DIAPH2: variants seen among roughly 807,000 people sequenced by gnomAD.
The protein encoded by DIAPH2 is protein diaphanous homolog 2.
A neutral mutation model predicts 92.7 loss-of-function variants in DIAPH2; 35 were observed. The observed-to-expected ratio is 0.38, with a 90% CI of 0.29 to 0.50. The LOEUF is 0.50. Ranked by LOEUF, DIAPH2 falls within the 20% of genes least tolerant of loss-of-function variation. The pLI is 0.94. For missense variants in DIAPH2, 701 were observed against 819.5 expected, an observed-to-expected ratio of 0.86 and a Z score of 1.77; for synonymous variants, 301 against 280.4, an observed-to-expected ratio of 1.07 and a Z score of -0.73.
chrX:97,025,569 G>T (rs769162565), intron 17 of DIAPH2, among the ~76,000 whole-genome samples: 1 of 106,030 alleles, frequency 9.4e-6, no homozygotes, highest in African/African-American at 3.5e-5. Flanking sequence ...GGAGAATGGC[G>T]TGAACCCGGG....
At chrX:97,102,299 C>T (rs1194705086) in intron 20 of DIAPH2, among the ~76,000 whole-genome samples, 1 of 111,612 alleles carries the variant, frequency 9.0e-6, no homozygotes, top group Non-Finnish European at 1.9e-5. Context: ...TTCCTTCTCT[C>T]CTCAAGTCTT....
At position 97,030,535 on chromosome X, in the gene DIAPH2, C is replaced by T. The variant is rs1016076767; in HGVS notation, c.2051-42406C>T. Among the ~76,000 whole-genome samples the T allele has an allele frequency of 2.7e-5, 3 of 110,759 alleles. No homozygotes were observed. In the Admixed American group the frequency reaches 2.9e-4, roughly 11 times the overall value. The stretch of plus-strand genomic sequence containing the variant: ...AGTAATCTAATATGACAGTATTATG[C>T]GTACATGTACCATGCCTTCTCGTGG... On this transcript the variant is annotated intron_variant, in intron 17 of 26. Coordinates refer to ENST00000324765, the MANE Select transcript of DIAPH2 (RefSeq NM_006729.5).
chrX:97,203,724 C>T lies in DIAPH2; in HGVS notation c.2720-43991C>T, dbSNP rs5967152. ...AGCCCCAAACCAGATGGATTCACAG[C>T]TGAATTCTACCAGAGGTACAAAGAG... On this transcript the variant is annotated intron_variant, in intron 22 of 26. Transcript: ENST00000324765. 9.6e-3 allele frequency among the ~76,000 whole-genome samples: 1,071 copies of T among 111,791 alleles called. 12 individuals are homozygous for T. The highest frequency in any genetic ancestry group is 0.031 in the African/African-American group (967 of 30,742).
intron 4 of DIAPH2, among the ~76,000 whole-genome samples, chrX:96,814,925 C>T (rs2064718892): frequency 9.0e-6 from 1 of 111,240 alleles, no homozygotes; most frequent in Non-Finnish European, 1.9e-5. Flanking sequence ...GGGTCACCCG[C>T]CTGTATTAGG....
intron 19 of DIAPH2, among the ~76,000 whole-genome samples, chrX:97,081,398 A>G (rs2066743579): frequency 8.9e-6 from 1 of 112,420 alleles, no homozygotes; most frequent in Admixed American, 9.4e-5. Context: ...TTATTGATTA[A>G]TGCCAGTATT....
At chrX:97,389,326 G>C (rs1411547899) in intron 25 of DIAPH2, among the ~76,000 whole-genome samples, 1 of 109,124 alleles carries the variant, frequency 9.2e-6, no homozygotes, top group Admixed American at 9.8e-5. Flanking sequence ...AATTAGCTGG[G>C]CATGGTGGCA....
chrX:97,430,501 G>A (rs1321913640), intron 26 of DIAPH2, among the ~76,000 whole-genome samples: 1 of 112,385 alleles, frequency 8.9e-6, no homozygotes, highest in Non-Finnish European at 1.9e-5. Flanking sequence ...CTTTCTTGAA[G>A]TAGAGAAAGA....
intron 4 of DIAPH2, among the ~76,000 whole-genome samples, chrX:96,781,229 A>G (rs1163282690): frequency 8.9e-6 from 1 of 111,932 alleles, no homozygotes; most frequent in Non-Finnish European, 1.9e-5. Flanking sequence ...AGGTATACTA[A>G]GCTGTAAATC....
intron 25 of DIAPH2, among the ~76,000 whole-genome samples, chrX:97,419,463 G>A (rs1342484619): frequency 8.9e-6 from 1 of 112,086 alleles, no homozygotes; most frequent in African/African-American, 3.2e-5. Context: ...TTGTTATGTA[G>A]CACAAAATAT....
intron 23 of DIAPH2, among the ~76,000 whole-genome samples, chrX:97,313,594 T>A (rs924549010): frequency 3.6e-5 from 4 of 111,623 alleles, no homozygotes; most frequent in Non-Finnish European, 7.5e-5. Flanking sequence ...TTATGTTCTG[T>A]GATCAAATGT....
chrX:97,325,872 C>T (rs1012368320), intron 23 of DIAPH2, among the ~76,000 whole-genome samples: 4 of 112,240 alleles, frequency 3.6e-5, no homozygotes, highest in African/African-American at 6.5e-5. Context: ...CCACCACGCC[C>T]GGCCTAATGT....
At chrX:96,889,344 G>A (rs2065291701) in intron 5 of DIAPH2, among the ~76,000 whole-genome samples, 2 of 111,028 alleles carry the variant, frequency 1.8e-5, no homozygotes, top group African/African-American at 6.5e-5. Context: ...TGATCACATA[G>A]CTGTGTGTAA....
chrX:96,939,758 G>A (rs1461756175), intron 12 of DIAPH2, among the ~76,000 whole-genome samples: 4 of 73,959 alleles, frequency 5.4e-5, no homozygotes, highest in South Asian at 1.7e-3. Flanking sequence ...TCCGCCTCCC[G>A]GGTTCACGCC....
chrX:96,896,479 C>T lies in DIAPH2; in HGVS notation c.587+14761C>T, dbSNP rs182225850. Among the ~76,000 whole-genome samples, 126 of 111,897 alleles carry T rather than the reference C, an allele frequency of 1.1e-3. 3 individuals carry two copies. Among genetic ancestry groups the T allele is most frequent in the Middle Eastern group, 4.7e-3 (1 of 212 alleles). ...CACTAACCTTCTTTAGTTTCTTCAT[C>T]TACAAAATGGAGTAACTTATTTTAT... is the stretch of plus-strand genomic sequence containing the variant. On this transcript the variant is annotated intron_variant, in intron 5 of 26. Transcript: ENST00000324765.
intron 26 of DIAPH2, among the ~76,000 whole-genome samples, chrX:97,568,343 T>A (rs1222449985): frequency 9.0e-6 from 1 of 110,654 alleles, no homozygotes; most frequent in Non-Finnish European, 1.9e-5. Context: ...TAATGTATCA[T>A]GACATGTCAG....
chrX:97,493,236 A>G (rs2070735656), intron 26 of DIAPH2, among the ~76,000 whole-genome samples: 1 of 107,731 alleles, frequency 9.3e-6, no homozygotes, highest in Non-Finnish European at 2.0e-5. Flanking sequence ...ATTTTTATTT[A>G]TTTATTTATT....
intron 26 of DIAPH2, among the ~76,000 whole-genome samples, chrX:97,460,694 C>A (rs1349922041): frequency 1.8e-5 from 2 of 111,447 alleles, no homozygotes; most frequent in Non-Finnish European, 3.8e-5. Context: ...ACGCACTAGA[C>A]ATAGCCAAGT....
chrX:97,000,620 TACACACACACACACAC>T (rs56284459), intron 17 of DIAPH2, among the ~76,000 whole-genome samples: 2 of 99,901 alleles, frequency 2.0e-5, no homozygotes, highest in East Asian at 6.3e-4. Flanking sequence ...TACAAATGAA[TACACACACACACACAC>T]ACACACACAC....
intron 17 of DIAPH2, among the ~76,000 whole-genome samples, chrX:97,008,788 C>T (rs981933799): frequency 9.0e-6 from 1 of 111,549 alleles, no homozygotes; most frequent in African/African-American, 3.3e-5. Context: ...AGTCTCTATT[C>T]TGTGTGCTGA....
Sources: gnomAD v4.1 joint callset for allele counts (sites outside exome capture counted in the v4.1 genomes callset) on GRCh38, gnomAD v4.1.1 for gene constraint, MANE v1.5 for transcripts, NCBI Gene and HGNC (gene_info 2026-07-23, HGNC 2026-07-21) for gene names.